PTPRN2: variants seen among roughly 807,000 people sequenced by gnomAD.
PTPRN2 encodes the protein receptor-type tyrosine-protein phosphatase N2.
Under a neutral mutation model 118.8 loss-of-function variants are expected in PTPRN2, and 74 were observed. The ratio of observed to expected loss-of-function variants is 0.62; its 90% CI spans 0.52 to 0.76. The LOEUF is 0.76. PTPRN2 is among the 30% of genes least tolerant of loss of function. The pLI, the probability that PTPRN2 is intolerant of heterozygous loss-of-function variation, is 0.00. For synonymous variants in PTPRN2, 641 were observed against 608.0 expected (o/e 1.05, Z -0.80); for missense variants, 1,481 against 1,394.4 (o/e 1.06, Z -0.99).
intron 17 of PTPRN2, among the ~76,000 whole-genome samples, chr7:157,588,473 G>A (rs1255507691): frequency 6.6e-6 from 1 of 152,202 alleles, no homozygotes; most frequent in Admixed American, 6.5e-5. Context: ...CTACAGTCCT[G>A]CCTGCGGGGG....
chr7:157,956,973 G>A (rs4311553), intron 11 of PTPRN2, among the ~76,000 whole-genome samples: 125,782 of 152,176 alleles, frequency 0.83, 52,568 homozygotes, highest in East Asian at 0.89. Context: ...AGCCCATTCT[G>A]TTTTGAATGG....
At chr7:158,056,120 A>G (rs1444309095) in intron 11 of PTPRN2, among the ~76,000 whole-genome samples, 1 of 151,176 alleles carries the variant, frequency 6.6e-6, no homozygotes, top group Non-Finnish European at 1.5e-5. Flanking sequence ...TCTCCCACAC[A>G]CTCCCTCCAC....
chr7:157,761,947 A>G (rs1173004550), intron 12 of PTPRN2, among the ~76,000 whole-genome samples: 2 of 152,230 alleles, frequency 1.3e-5, no homozygotes, highest in African/African-American at 2.4e-5. Flanking sequence ...ATGAACAGAC[A>G]CTTCTCAAAA....
intron 2 of PTPRN2, among the ~76,000 whole-genome samples, chr7:158,402,834 G>A (rs891264416): frequency 6.6e-6 from 1 of 152,130 alleles, no homozygotes; most frequent in South Asian, 2.1e-4. Context: ...CCCAGGCCAG[G>A]GACTGTCTGT....
rs892622158 is a variant in PTPRN2 at position 157,806,378 on chromosome 7, A to G, written c.1788+92295T>C. ...TATATGTATATCTACATATGTATTC[A>G]TGCATGTGTACAAAAATATGCACAT... On this transcript the variant is annotated intron_variant, in intron 12 of 22. Coordinates refer to ENST00000389418, the MANE Select transcript of PTPRN2 (RefSeq NM_002847.5). Among the ~76,000 whole-genome samples the G allele has an allele frequency of 3.9e-5, 6 of 152,214 alleles. No individual in the cohort carries two copies. In the East Asian group the frequency reaches 1.2e-3, roughly 29 times the overall value.
intron 3 of PTPRN2, among the ~76,000 whole-genome samples, chr7:158,277,185 G>A (rs971977438): frequency 4.6e-5 from 7 of 152,184 alleles, no homozygotes; most frequent in Admixed American, 6.5e-5. Flanking sequence ...TTCTCACGTC[G>A]CAGTGGATTT....
At chr7:158,283,361 G>A (rs762565408) in intron 3 of PTPRN2, among the ~76,000 whole-genome samples, 17 of 152,258 alleles carry the variant, frequency 1.1e-4, no homozygotes, top group South Asian at 6.2e-4. Context: ...AGTTCACACC[G>A]TCTGCCATCC....
chr7:158,109,089 CT>C (rs1388702446), intron 10 of PTPRN2, among the ~76,000 whole-genome samples: 4 of 151,850 alleles, frequency 2.6e-5, no homozygotes, highest in African/African-American at 7.3e-5. Context: ...GACATCACCC[CT>C]GTGTGAAGGA....
At chr7:158,076,172 A>C (rs1375901637) in intron 11 of PTPRN2, among the ~76,000 whole-genome samples, 1 of 152,238 alleles carries the variant, frequency 6.6e-6, no homozygotes, top group East Asian at 1.9e-4. Context: ...ATTTCTAATA[A>C]GAGTGCAACT....
At chr7:157,665,753 G>C (rs958189026) in intron 13 of PTPRN2, among the ~76,000 whole-genome samples, 5 of 152,234 alleles carry the variant, frequency 3.3e-5, no homozygotes, top group Admixed American at 3.3e-4. Flanking sequence ...ATCAATGATA[G>C]ACTGGATTAA....
At chr7:158,556,833 GCAGCTCCCGCGCAGGTCAGA>G (rs1210658639) in intron 1 of PTPRN2, among the ~76,000 whole-genome samples, 2 of 141,072 alleles carry the variant, frequency 1.4e-5, no homozygotes, top group African/African-American at 2.7e-5. Context: ...CGCAGGTCAG[GCAGCTCCCGCGCAGGTCAGA>G]CAGCTCCCGG....
chr7:157,793,569 G>A (rs1043315703), intron 12 of PTPRN2, among the ~76,000 whole-genome samples: 1 of 152,184 alleles, frequency 6.6e-6, no homozygotes, highest in East Asian at 1.9e-4. Context: ...GTGGATGCTC[G>A]TGGTTCATTC....
rs551799070 is a variant in PTPRN2 at position 157,628,465 on chromosome 7, G to A, written c.2197-6956C>T. Among the ~76,000 whole-genome samples, 9 of 152,296 alleles carry A rather than the reference G, an allele frequency of 5.9e-5. No individual in the cohort carries two copies. In the Middle Eastern group the frequency reaches 0.01, roughly 173 times the overall value. ...AAAGGAGCTTCTGTGGAACAGGAAC[G>A]CACATGAACACACTGGGAAGGCACT... On this transcript the variant is annotated intron_variant, in intron 14 of 22. Coordinates refer to ENST00000389418, the MANE Select transcript of PTPRN2 (RefSeq NM_002847.5).
chr7:158,469,487 C>T (rs1306407604), intron 2 of PTPRN2, among the ~76,000 whole-genome samples: 2 of 151,942 alleles, frequency 1.3e-5, no homozygotes, highest in Non-Finnish European at 2.9e-5. Flanking sequence ...AATGAACACA[C>T]CAAAAAAATG....
chr7:158,183,989 A>G (rs1287478638), intron 5 of PTPRN2, among the ~76,000 whole-genome samples: 1 of 152,050 alleles, frequency 6.6e-6, no homozygotes, highest in Non-Finnish European at 1.5e-5. Context: ...CTGCTTTTTT[A>G]GTTTTTAGAG....
intron 3 of PTPRN2, among the ~76,000 whole-genome samples, chr7:158,246,093 A>G (rs1796229165): frequency 6.6e-6 from 1 of 151,480 alleles, no homozygotes; most frequent in Non-Finnish European, 1.5e-5. Context: ...ACCAAAATTC[A>G]TTAAAAATGA....
intron 1 of PTPRN2, among the ~76,000 whole-genome samples, chr7:158,535,919 T>A (rs1825614822): frequency 6.7e-6 from 1 of 148,528 alleles, no homozygotes; most frequent in Non-Finnish European, 1.5e-5. Flanking sequence ...AAATGAGTAA[T>A]CTAAAAGTCT....
intron 3 of PTPRN2, among the ~76,000 whole-genome samples, chr7:158,308,712 G>A (rs1801481929): frequency 6.6e-6 from 1 of 151,972 alleles, no homozygotes; most frequent in Non-Finnish European, 1.5e-5. Context: ...TTAACTTGGT[G>A]TTAATAAAAT....
chr7:157,873,138 T>C (rs1281463627), intron 12 of PTPRN2, among the ~76,000 whole-genome samples: 1 of 152,188 alleles, frequency 6.6e-6, no homozygotes, highest in Non-Finnish European at 1.5e-5. Context: ...TCTGCCTCAT[T>C]CCCTCTGACC....
Sources: allele counts gnomAD v4.1 joint callset (sites outside exome capture counted in the v4.1 genomes callset), GRCh38; gene constraint gnomAD v4.1.1; transcripts MANE v1.5; gene names NCBI Gene and HGNC (gene_info 2026-07-23, HGNC 2026-07-21).